The following CSRP3 variants were observed in gnomAD, a reference collection of about 807,000 sequenced individuals.
The protein encoded by CSRP3 is cysteine and glycine-rich protein 3.
In CSRP3, 24 loss-of-function variants were observed where a neutral mutation model predicts 24.3. That is an observed-to-expected ratio of 0.99 (90% CI 0.71 to 1.39). The LOEUF (loss-of-function observed/expected upper bound fraction) is 1.39, where lower values mean the gene tolerates loss of function less well. Among genes scored for constraint, CSRP3 ranks in the 40% most tolerant of loss-of-function variants. CSRP3 has a pLI of 0.00. For synonymous variants in CSRP3, 105 were observed against 94.0 expected (o/e 1.12, Z -0.68); for missense variants, 240 against 249.0 (o/e 0.96, Z 0.24).
At chr11:19,194,810 ACATTCATTCGTT>A (rs1458665804) in intron 1 of CSRP3, among the ~76,000 whole-genome samples, 1 of 152,216 alleles carries the variant, frequency 6.6e-6, no homozygotes, top group East Asian at 1.9e-4. Context: ...ATTAAAACTC[ACATTCATTCGTT>A]CATTCATTCA....
chr11:19,197,423 T>C (rs12790972), intron 1 of CSRP3, among the ~76,000 whole-genome samples: 12 of 109,380 alleles, frequency 1.1e-4, no homozygotes, highest in Admixed American at 9.4e-4. Context: ...CCTTCCTTCC[T>C]TCCTTCCCTC....
Position 19,182,379 on chromosome 11 carries a change from C to G in CSRP3, c.*291G>C, listed in dbSNP as rs890699706. 8 of 386,650 alleles carry G rather than the reference C, an allele frequency of 2.1e-5. No individual in the cohort carries two copies. The highest frequency in any genetic ancestry group is 3.8e-5 in the Non-Finnish European group (8 of 212,056). The allele number at this position is 386,650 out of a possible 1,614,324, so 24.0% of individuals were successfully genotyped here. On this transcript the variant is annotated 3_prime_UTR_variant, in exon 6 of 6. Coordinates refer to ENST00000265968, the MANE Select transcript of CSRP3 (RefSeq NM_003476.5). ...ACTAGCTTTATGTTTTTGAAAATTT[C>G]TATCTCAAAGAAAAGATCTAGAGCC... is the stretch of plus-strand genomic sequence containing the variant.
chr11:19,182,898 T>C, intron 5 of CSRP3, 152 bp from the exon 6 acceptor site: 1 of 699,538 alleles, frequency 1.4e-6, no homozygotes, highest in Non-Finnish European at 2.6e-6. Flanking sequence ...GGCTCATGCC[T>C]GTAATCCCAG....
At chr11:19,192,200 G>A (rs935835439) in intron 2 of CSRP3, 137 bp downstream of exon 2, 16 of 718,794 alleles carry the variant, frequency 2.2e-5, no homozygotes, top group African/African-American at 8.7e-5. Flanking sequence ...TTTCTAACCA[G>A]TTCCCAGGTA....
chr11:19,185,780 C>T (rs985133661), intron 4 of CSRP3, among the ~76,000 whole-genome samples: 4 of 152,184 alleles, frequency 2.6e-5, no homozygotes, highest in Admixed American at 6.5e-5. Context: ...TGATGACTTT[C>T]CTGAGAGCCA....
At chr11:19,184,459 G>A (rs573908834) in intron 5 of CSRP3, among the ~76,000 whole-genome samples, 27 of 152,296 alleles carry the variant, frequency 1.8e-4, no homozygotes, top group African/African-American at 6.0e-4. Flanking sequence ...GTGCAACATC[G>A]ACAACAGAAC....
intron 1 of CSRP3, among the ~76,000 whole-genome samples, chr11:19,199,747 A>G (rs1850804919): frequency 2.0e-5 from 3 of 152,208 alleles, no homozygotes; most frequent in Non-Finnish European, 4.4e-5. Flanking sequence ...TTCCCACAGT[A>G]AAGCTCAGAA....
chr11:19,194,016 C>T (rs963408007), intron 1 of CSRP3, among the ~76,000 whole-genome samples: 1 of 152,164 alleles, frequency 6.6e-6, no homozygotes, highest in African/African-American at 2.4e-5. Context: ...CCTAGTGTGT[C>T]ATGACATGGA....
In CSRP3 at chr11:19,188,171, T is replaced by C; in HGVS notation, c.246A>G (p.Thr82=). ...GCAGGCCGAGATGCTCGCCCGTGTCTGTGCTGAGACAGCCAGCGCCTTGTC... is the reference window on the plus strand; with the variant it reads ...GCAGGCCGAGATGCTCGCCCGTGTCCGTGCTGAGACAGCCAGCGCCTTGTC... ...GYGQGAGCLS[T]DTGEHLGLQF... Residue 82 remains threonine (T), a synonymous_variant, in exon 3 of 6, where the codon ACA becomes ACG. Coordinates refer to ENST00000265968, the MANE Select transcript of CSRP3 (RefSeq NM_003476.5). 1 of 1,614,148 alleles carries C rather than the reference T, an allele frequency of 6.2e-7. No individual in the cohort carries two copies. The highest frequency in any genetic ancestry group is 1.1e-5 in the South Asian group (1 of 91,072).
At chr11:19,182,848 TC>T in intron 5 of CSRP3, 102 bp from the exon 6 acceptor site, 1 of 871,526 alleles carries the variant, frequency 1.1e-6, no homozygotes, top group Non-Finnish European at 2.0e-6. Context: ...ATTAGAGACA[TC>T]CTTTTGATAG....
In CSRP3 at chr11:19,187,589, G is replaced by A. The variant is rs182542388; in HGVS notation, c.281+547C>T. On this transcript the variant is annotated intron_variant, in intron 3 of 5. Transcript: ENST00000265968. ...TGTCCCAGCTTCCCTAGGATAATGTGGCGGGAACTCTAGCACTGTATTGGC... is the reference window on the plus strand; with the variant it reads ...TGTCCCAGCTTCCCTAGGATAATGTAGCGGGAACTCTAGCACTGTATTGGC... 2.4e-3 allele frequency among the ~76,000 whole-genome samples: 373 copies of A among 152,318 alleles called. 2 individuals are homozygous for A. The highest frequency in any genetic ancestry group is 8.6e-3 in the African/African-American group (356 of 41,568).
intron 3 of CSRP3, 81 bp from the exon 4 acceptor site, chr11:19,186,429 C>T (rs1166115702): frequency 1.3e-6 from 2 of 1,551,510 alleles, no homozygotes; most frequent in African/African-American, 1.4e-5. Context: ...GAGAAAGTGA[C>T]CTCACTTCCG....
In CSRP3 at chr11:19,188,277, G is replaced by C; in HGVS notation, c.140C>G (p.Thr47Arg). 1 of 1,612,556 alleles carries C rather than the reference G, an allele frequency of 6.2e-7. No individual in the cohort carries two copies. ...CTCCGACTCATGAGCCGCGACTGTC[G>C]TGCTGTCAAGAGCCTTCCTGCAGGC... ...CMACRKALDSTTVAAHESEIY... is the reference protein window; with the variant it reads ...CMACRKALDSRTVAAHESEIY... Residue 47 changes from threonine to arginine, a missense_variant, in exon 3 of 6, where the codon ACG (threonine) becomes AGG (arginine). Coordinates refer to ENST00000265968, the MANE Select transcript of CSRP3 (RefSeq NM_003476.5).
intron 4 of CSRP3, 129 bp from the exon 5 acceptor site, chr11:19,185,174 T>A: frequency 1.4e-6 from 1 of 740,082 alleles, no homozygotes; most frequent in East Asian, 2.7e-5. Flanking sequence ...ATGGGCCCCA[T>A]AATTTCTCCA....
At chr11:19,189,142 A>G (rs1342747631) in intron 2 of CSRP3, among the ~76,000 whole-genome samples, 1 of 152,190 alleles carries the variant, frequency 6.6e-6, no homozygotes, top group African/African-American at 2.4e-5. Context: ...ATTATCTCCA[A>G]TTCTGTCTTT....
At chr11:19,187,616 A>G (rs1354466281) in intron 3 of CSRP3, among the ~76,000 whole-genome samples, 1 of 152,214 alleles carries the variant, frequency 6.6e-6, no homozygotes, top group Non-Finnish European at 1.5e-5. Flanking sequence ...TGTATTGGCA[A>G]CAGGCAGCCA....
At position 19,184,104 on chromosome 11, in the gene CSRP3, G is replaced by A. The variant is rs188181398; in HGVS notation, c.508+848C>T. Among the ~76,000 whole-genome samples, 585 of 152,268 alleles carry A rather than the reference G, an allele frequency of 3.8e-3. 6 individuals carry two copies. The highest frequency in any genetic ancestry group is 2.1e-3 in the Non-Finnish European group (144 of 68,030). On this transcript the variant is annotated intron_variant, in intron 5 of 5. Transcript: ENST00000265968. ...AGTCTTGAGTATGTCTTTATTAGCA[G>A]CATGAGAACAGACTAATACAGCAAA...
chr11:19,197,558 T>C (rs973313738), intron 1 of CSRP3, among the ~76,000 whole-genome samples: 16 of 141,592 alleles, frequency 1.1e-4, no homozygotes, highest in African/African-American at 4.2e-4. Context: ...TTTCTTTCTT[T>C]CTTTCTTTCT....
At chr11:19,200,842 A>T (rs1590110881) in intron 1 of CSRP3, among the ~76,000 whole-genome samples, 1 of 151,422 alleles carries the variant, frequency 6.6e-6, no homozygotes, top group Non-Finnish European at 1.5e-5. Flanking sequence ...CCAATTTCCC[A>T]CTCTTCGTGC....
Sources: gnomAD v4.1 joint callset for allele counts (sites outside exome capture counted in the v4.1 genomes callset) on GRCh38, gnomAD v4.1.1 for gene constraint, MANE v1.5 for transcripts, NCBI Gene and HGNC (gene_info 2026-07-23, HGNC 2026-07-21) for gene names.